Variants in CRPPA observed in about 807,000 individuals in gnomAD.
The protein encoded by CRPPA is D-ribitol-5-phosphate cytidylyltransferase.
A neutral mutation model predicts 52.0 loss-of-function variants in CRPPA; 43 were observed. The ratio of observed to expected loss-of-function variants is 0.83; its 90% CI spans 0.65 to 1.07. The LOEUF is 1.07. Among genes scored for constraint, CRPPA ranks in the 50% least tolerant of loss-of-function variants. CRPPA has a pLI of 0.00. For synonymous variants in CRPPA, 250 were observed against 203.5 expected, an observed-to-expected ratio of 1.23 and a Z score of -1.94; for missense variants, 629 against 551.7, an observed-to-expected ratio of 1.14 and a Z score of -1.40.
chr7:16,242,979 G>A (rs1034188629), intron 8 of CRPPA, among the ~76,000 whole-genome samples: 1 of 152,144 alleles, frequency 6.6e-6, no homozygotes, highest in Non-Finnish European at 1.5e-5. Flanking sequence ...TTTACTTCAA[G>A]TAATCAATAT....
intron 3 of CRPPA, among the ~76,000 whole-genome samples, chr7:16,327,949 G>A (rs1355824270): frequency 6.6e-6 from 1 of 152,058 alleles, no homozygotes; most frequent in Non-Finnish European, 1.5e-5. Context: ...ACCACATATT[G>A]TCTTTGCCCA....
At chr7:16,221,490 C>T (rs1407010620) in intron 8 of CRPPA, among the ~76,000 whole-genome samples, 1 of 152,112 alleles carries the variant, frequency 6.6e-6, no homozygotes, top group Non-Finnish European at 1.5e-5. Context: ...AAAGAAACTA[C>T]CATCAGAGTG....
At chr7:16,404,886 C>T (rs1433467447) in intron 2 of CRPPA, among the ~76,000 whole-genome samples, 1 of 152,106 alleles carries the variant, frequency 6.6e-6, no homozygotes, top group African/African-American at 2.4e-5. Context: ...GGTTCCTGGA[C>T]CACAAGTTTC....
intron 3 of CRPPA, among the ~76,000 whole-genome samples, chr7:16,329,689 T>C (rs1207505187): frequency 6.6e-6 from 1 of 152,158 alleles, no homozygotes; most frequent in Non-Finnish European, 1.5e-5. Context: ...ACGTAAACAA[T>C]CTTCTACACA....
chr7:16,330,589 A>G lies in CRPPA; in HGVS notation c.685-21962T>C, dbSNP rs538296630. Among the ~76,000 whole-genome samples, 8 of 152,302 alleles carry G rather than the reference A, an allele frequency of 5.3e-5. No individual in the cohort carries two copies. The East Asian group carries it at 1.5e-3, about 29-fold the overall frequency. The stretch of plus-strand genomic sequence containing the variant: ...AATTCCTAGAGACCTAGTGTGGGCA[A>G]GTCTGAGAGTTAAAAACTCCGGGAA... On this transcript the variant is annotated intron_variant, in intron 3 of 9. Coordinates refer to ENST00000407010, the MANE Select transcript of CRPPA (RefSeq NM_001101426.4).
intron 9 of CRPPA, among the ~76,000 whole-genome samples, chr7:16,200,070 T>C (rs10259283): frequency 0.72 from 109,710 of 151,896 alleles, 39,862 homozygotes; most frequent in Admixed American, 0.79. Context: ...GTTGGCCAGG[T>C]TGGTCTCAAA....
intron 9 of CRPPA, among the ~76,000 whole-genome samples, chr7:16,138,119 T>A (rs1055572207): frequency 2.0e-5 from 3 of 152,200 alleles, no homozygotes; most frequent in Non-Finnish European, 4.4e-5. Flanking sequence ...GTCAACAATT[T>A]ATATGTACAT....
intron 8 of CRPPA, 77 bp downstream of exon 8, chr7:16,258,313 A>G: frequency 1.1e-6 from 1 of 876,654 alleles, no homozygotes; most frequent in Non-Finnish European, 1.8e-6. Flanking sequence ...CAATTGGATG[A>G]GTTTTTAAAA....
intron 5 of CRPPA, among the ~76,000 whole-genome samples, chr7:16,281,634 G>A (rs1324158074): frequency 6.6e-6 from 1 of 152,176 alleles, no homozygotes; most frequent in African/African-American, 2.4e-5. Context: ...GTTGGTAAGT[G>A]TTTTTCCTAC....
Position 16,216,589 on chromosome 7 carries a change from G to A in CRPPA, c.1120-392C>T, listed in dbSNP as rs191515636. ...GCGCAGGTCAGTGGGTGCGCGCACCGTGCGTGAGCGGAAGCAGGGCAAGGC... is the reference window on the plus strand; with the variant it reads ...GCGCAGGTCAGTGGGTGCGCGCACCATGCGTGAGCGGAAGCAGGGCAAGGC... On this transcript the variant is annotated intron_variant, in intron 8 of 9. Coordinates refer to ENST00000407010, the MANE Select transcript of CRPPA (RefSeq NM_001101426.4). 37 of 168,626 alleles carry A rather than the reference G, an allele frequency of 2.2e-4. No homozygotes were observed. The South Asian group carries it at 4.0e-3, about 18-fold the overall frequency. The allele number at this position is 168,626 out of a possible 1,614,324, so 10.4% of individuals were successfully genotyped here.
chr7:16,343,776 C>T (rs146985824), intron 3 of CRPPA, among the ~76,000 whole-genome samples: 1 of 152,194 alleles, frequency 6.6e-6, no homozygotes, highest in Non-Finnish European at 1.5e-5. Flanking sequence ...GCGCACATGC[C>T]CAGGAAAGAC....
At chr7:16,337,250 A>T (rs568396180) in intron 3 of CRPPA, among the ~76,000 whole-genome samples, 1 of 152,176 alleles carries the variant, frequency 6.6e-6, no homozygotes, top group African/African-American at 2.4e-5. Context: ...GAGGCTTGAA[A>T]TCTTCTTAAG....
intron 9 of CRPPA, among the ~76,000 whole-genome samples, chr7:16,145,379 CTA>C (rs1368888886): frequency 6.6e-6 from 1 of 152,062 alleles, no homozygotes; most frequent in Non-Finnish European, 1.5e-5. Flanking sequence ...TGAAAACAGT[CTA>C]TAAAAAATGA....
chr7:16,174,955 C>T (rs1211152643), intron 9 of CRPPA, among the ~76,000 whole-genome samples: 2 of 152,074 alleles, frequency 1.3e-5, no homozygotes, highest in Non-Finnish European at 2.9e-5. Flanking sequence ...TTTTCACCAA[C>T]TAGAAGATAT....
chr7:16,255,415 T>A (rs1783611473), intron 8 of CRPPA, among the ~76,000 whole-genome samples: 2 of 152,142 alleles, frequency 1.3e-5, no homozygotes, highest in Admixed American at 1.3e-4. Flanking sequence ...TACCAATGAC[T>A]TTCTTCACAG....
intron 3 of CRPPA, among the ~76,000 whole-genome samples, chr7:16,310,083 A>G (rs2128425041): frequency 6.6e-6 from 1 of 152,300 alleles, no homozygotes; most frequent in African/African-American, 2.4e-5. Context: ...TAGCAAGATG[A>G]TTTTAGACAA....
At chr7:16,294,771 C>T (rs1784637397) in intron 5 of CRPPA, among the ~76,000 whole-genome samples, 2 of 151,956 alleles carry the variant, frequency 1.3e-5, no homozygotes, top group African/African-American at 2.4e-5. Context: ...TGACTAACAA[C>T]ATAAATGGTG....
At chr7:16,400,162 G>A (rs931567584) in intron 2 of CRPPA, among the ~76,000 whole-genome samples, 4 of 151,950 alleles carry the variant, frequency 2.6e-5, no homozygotes, top group East Asian at 1.9e-4. Context: ...CATGATTGAC[G>A]TGATGACACG....
chr7:16,152,609 A>G (rs535689950), intron 9 of CRPPA, among the ~76,000 whole-genome samples: 1 of 152,152 alleles, frequency 6.6e-6, no homozygotes, highest in African/African-American at 2.4e-5. Flanking sequence ...GGTTAAAACA[A>G]CAGAAAATAC....
Sources: allele counts gnomAD v4.1 joint callset (sites outside exome capture counted in the v4.1 genomes callset), GRCh38; gene constraint gnomAD v4.1.1; transcripts MANE v1.5; gene names NCBI Gene and HGNC (gene_info 2026-07-23, HGNC 2026-07-21).